NOSTRIN: variants seen among roughly 807,000 people sequenced by gnomAD.
NOSTRIN encodes the protein nitric oxide synthase trafficking, also known as BM247 homolog.
In NOSTRIN, 63 loss-of-function variants were observed where a neutral mutation model predicts 59.0. The observed-to-expected ratio is 1.07, with a 90% CI of 0.87 to 1.32. The LOEUF (loss-of-function observed/expected upper bound fraction) is 1.32. NOSTRIN is among the 40% of genes most tolerant of loss of function. The pLI, the probability that NOSTRIN is intolerant of heterozygous loss-of-function variation, is 0.00. For synonymous variants in NOSTRIN, 200 were observed against 165.4 expected, an observed-to-expected ratio of 1.21 and a Z score of -1.61; for missense variants, 512 against 473.1, an observed-to-expected ratio of 1.08 and a Z score of -0.76.
chr2:168,807,835 AAGTT>A (rs1163811448), intron 1 of NOSTRIN, among the ~76,000 whole-genome samples: 1 of 152,198 alleles, frequency 6.6e-6, no homozygotes, highest in Non-Finnish European at 1.5e-5. Flanking sequence ...TTTGGGACAA[AAGTT>A]AGAAAGTACT....
intron 15 of NOSTRIN, among the ~76,000 whole-genome samples, chr2:168,862,852 G>T (rs13016739): frequency 6.6e-6 from 1 of 152,186 alleles, no homozygotes; most frequent in African/African-American, 2.4e-5. Flanking sequence ...AACGTTATGG[G>T]AGAAAGAATA....
In NOSTRIN at chr2:168,864,997, A is replaced by G. The variant is rs1689774558; in HGVS notation, c.*27A>G. On this transcript the variant is annotated 3_prime_UTR_variant, in exon 16 of 16. Coordinates refer to ENST00000317647, the MANE Select transcript of NOSTRIN (RefSeq NM_001039724.4). ...ACAAGACTCTGAACATACTACCTTC[A>G]CACTCGGTAATCAACAATACAGTGT... The G allele has an allele frequency of 7.4e-6, 12 of 1,612,054 alleles. No homozygotes were observed. Among genetic ancestry groups the G allele is most frequent in the Non-Finnish European group, 8.5e-6 (10 of 1,179,088 alleles).
chr2:168,833,214 A>G (rs912247447), intron 6 of NOSTRIN, among the ~76,000 whole-genome samples: 2 of 152,224 alleles, frequency 1.3e-5, no homozygotes, highest in Admixed American at 6.5e-5. Flanking sequence ...GAAGTAGTCT[A>G]TTTGGGAGAC....
chr2:168,835,406 T>C (rs1207134181), intron 7 of NOSTRIN, among the ~76,000 whole-genome samples: 2 of 152,208 alleles, frequency 1.3e-5, no homozygotes, highest in East Asian at 1.9e-4. Flanking sequence ...AATTTGTTCA[T>C]CAAATTTTTT....
intron 1 of NOSTRIN, among the ~76,000 whole-genome samples, chr2:168,787,205 G>A (rs753263723): frequency 4.3e-4 from 65 of 152,180 alleles, no homozygotes; most frequent in Non-Finnish European, 3.8e-4. Context: ...TGAGACAAAG[G>A]GCATAGCGTG....
intron 2 of NOSTRIN, among the ~76,000 whole-genome samples, chr2:168,790,621 A>G (rs1685322873): frequency 6.6e-6 from 1 of 152,234 alleles, no homozygotes; most frequent in South Asian, 2.1e-4. Context: ...CAAGTCTGTC[A>G]ATGGCAGGAA....
Position 168,865,124 on chromosome 2 carries a change from G to C in NOSTRIN, c.*154G>C, listed in dbSNP as rs1689783945. On this transcript the variant is annotated 3_prime_UTR_variant, in exon 16 of 16. Coordinates refer to ENST00000317647, the MANE Select transcript of NOSTRIN (RefSeq NM_001039724.4). ...CAGCACTTTGCATTCATGATTATTA[G>C]CTTGAAACAGTCAGAAAAAAGATGG... 1 of 785,398 alleles carries C rather than the reference G, an allele frequency of 1.3e-6. No homozygotes were observed. Among genetic ancestry groups the C allele is most frequent in the East Asian group, 2.7e-5 (1 of 36,802 alleles). The allele number at this position is 785,398 out of a possible 1,614,324, so 48.7% of individuals were successfully genotyped here.
chr2:168,794,122 G>A (rs78629098), upstream of NOSTRIN, among the ~76,000 whole-genome samples: 680 of 152,284 alleles, frequency 4.5e-3, 22 homozygotes, highest in East Asian at 0.072. Context: ...ATTGGCACTT[G>A]TTCCTCCTTG....
rs577581210 is a variant in NOSTRIN at position 168,865,168 on chromosome 2, G to C, written c.*198G>C. On this transcript the variant is annotated 3_prime_UTR_variant, in exon 16 of 16. Coordinates refer to ENST00000317647, the MANE Select transcript of NOSTRIN (RefSeq NM_001039724.4). ...AAGATGGATGGGTGGAGACAGACAA[G>C]GAAGAGGCTCCTTGGTTCCTAGAGG... is the stretch of plus-strand genomic sequence containing the variant. 1 of 600,546 alleles carries C rather than the reference G, an allele frequency of 1.7e-6. No homozygotes were observed. The highest frequency in any genetic ancestry group is 1.9e-5 in the African/African-American group (1 of 53,830). 37.2% of individuals were successfully genotyped at this position (600,546 alleles called of 1,614,324 possible). A position where few individuals can be genotyped will look rare whatever the true frequency, so the allele number is the denominator to read the frequency against.
In NOSTRIN at chr2:168,802,663, C is replaced by T; in HGVS notation, c.17C>T (p.Thr6Ile). The T allele has an allele frequency of 1.1e-6, 1 of 869,818 alleles. No homozygotes were observed. Among genetic ancestry groups the T allele is most frequent in the Non-Finnish European group, 2.0e-6 (1 of 500,864 alleles). 53.9% of individuals were successfully genotyped at this position (869,818 alleles called of 1,614,324 possible). ...CATTTCAACATGAGGGACCCACTGA[C>T]AGATTGTCCGGTGAGTAGCTCAGTG... MRDPL[T>I]DCPYNKVYKN... The change falls in exon 1 of 16, where the codon ACA (threonine) becomes ATA (isoleucine). Residue 6 changes from threonine (T) to isoleucine (I), a missense_variant. Thr to Ile is a moderately conservative substitution (Grantham distance 89). Transcript: ENST00000317647.
At chr2:168,825,808 G>C (rs1161716277) in intron 3 of NOSTRIN, among the ~76,000 whole-genome samples, 1 of 152,148 alleles carries the variant, frequency 6.6e-6, no homozygotes, top group Non-Finnish European at 1.5e-5. Flanking sequence ...TGATGAAAGA[G>C]ATAAGAAGGG....
At chr2:168,855,638 C>CAAAAAAAAAAAAAAAAAAAGAAAAACAAA in intron 11 of NOSTRIN, 178 bp downstream of exon 11, 1 of 115,544 alleles carries the variant, frequency 8.7e-6, no homozygotes, top group Non-Finnish European at 1.6e-5. Context: ...AAAAGAAAGC[C>CAAAAAAAAAAAAAAAAAAAGAAAAACAAA]AAAAAAAAAA....
chr2:168,803,302 T>C (rs1417499058), intron 1 of NOSTRIN, among the ~76,000 whole-genome samples: 1 of 152,138 alleles, frequency 6.6e-6, no homozygotes, highest in African/African-American at 2.4e-5. Flanking sequence ...AGCAGAGATG[T>C]AATTTAGGAG....
intron 2 of NOSTRIN, among the ~76,000 whole-genome samples, chr2:168,791,863 A>T (rs1321518778): frequency 6.6e-5 from 10 of 152,104 alleles, no homozygotes; most frequent in Non-Finnish European, 1.5e-4. Flanking sequence ...GTTTGAGTTC[A>T]TTATAGATTC....
chr2:168,797,079 C>CT (rs775176252), upstream of NOSTRIN, among the ~76,000 whole-genome samples: 1,796 of 75,070 alleles, frequency 0.024, 53 homozygotes, highest in South Asian at 0.057. Context: ...TTTCTTTTTT[C>CT]TTTTTTTTTT....
intron 10 of NOSTRIN, 35 bp downstream of exon 10, chr2:168,851,439 T>C (rs376924869): frequency 6.2e-5 from 98 of 1,580,374 alleles, no homozygotes; most frequent in Non-Finnish European, 3.2e-5. Flanking sequence ...GTTACATTAA[T>C]GGAGAATCTT....
rs773303748 is a variant in NOSTRIN, at chr2:168,864,833, G to C, written c.1385-1G>C. On this transcript the variant is annotated splice_acceptor_variant, in intron 15 of 15. Coordinates refer to ENST00000317647, the MANE Select transcript of NOSTRIN (RefSeq NM_001039724.4). LOFTEE classifies it high-confidence loss of function. ...CCATTTGTCTAACTGTATTTTCACA[G>C]GTGACATTGTGATTATACACGAGAA... The C allele has an allele frequency of 6.2e-7, 1 of 1,613,748 alleles. No individual in the cohort carries two copies. Among genetic ancestry groups the C allele is most frequent in the South Asian group, 1.1e-5 (1 of 91,070 alleles).
chr2:168,861,274 C>A (rs939452492), intron 14 of NOSTRIN, among the ~76,000 whole-genome samples: 1 of 152,102 alleles, frequency 6.6e-6, no homozygotes, highest in African/African-American at 2.4e-5. Flanking sequence ...GTCCTCTCTG[C>A]GAGACACATG....
chr2:168,805,869 A>C (rs529894966), intron 1 of NOSTRIN, among the ~76,000 whole-genome samples: 1 of 152,292 alleles, frequency 6.6e-6, no homozygotes, highest in Admixed American at 6.5e-5. Flanking sequence ...AAAATACAGA[A>C]GGAGGCTGCA....
Sources: allele counts gnomAD v4.1 joint callset (sites outside exome capture counted in the v4.1 genomes callset), GRCh38; gene constraint gnomAD v4.1.1; transcripts MANE v1.5; gene names NCBI Gene and HGNC (gene_info 2026-07-23, HGNC 2026-07-21).